GPR158: variants seen among roughly 807,000 people sequenced by gnomAD.
The protein encoded by GPR158 is G protein-coupled receptor 158.
Under a neutral mutation model 78.2 loss-of-function variants are expected in GPR158, and 30 were observed. The observed-to-expected ratio is 0.38, with a 90% CI of 0.29 to 0.52. GPR158 has a LOEUF of 0.52. GPR158 is among the 20% of genes least tolerant of loss of function. The pLI is 0.83. For missense variants in GPR158, 1,463 were observed against 1,523.5 expected (o/e 0.96, Z 0.66); for synonymous variants, 581 against 591.1 (o/e 0.98, Z 0.25).
chr10:25,316,804 C>T (rs1283512942), intron 2 of GPR158, among the ~76,000 whole-genome samples: 1 of 151,772 alleles, frequency 6.6e-6, no homozygotes, highest in East Asian at 1.9e-4. Flanking sequence ...TATGTCTCAG[C>T]ACACAGTTTG....
At chr10:25,361,066 C>A (rs759923202) in intron 2 of GPR158, among the ~76,000 whole-genome samples, 1 of 151,864 alleles carries the variant, frequency 6.6e-6, no homozygotes, top group Non-Finnish European at 1.5e-5. Flanking sequence ...ACTCTATACC[C>A]ATTCAACAAC....
intron 4 of GPR158, among the ~76,000 whole-genome samples, chr10:25,433,673 C>CCTTT (rs1205836068): frequency 2.8e-4 from 35 of 125,644 alleles, no homozygotes; most frequent in African/African-American, 4.5e-4. Flanking sequence ...AGGGCATTTT[C>CCTTT]CTTTCTTTCT....
At chr10:25,496,719 C>G (rs1835885632) in intron 5 of GPR158, among the ~76,000 whole-genome samples, 1 of 152,140 alleles carries the variant, frequency 6.6e-6, no homozygotes, top group East Asian at 1.9e-4. Context: ...AACTCGTATT[C>G]AGTAATCACT....
chr10:25,515,229 C>T (rs1471438242), intron 5 of GPR158, among the ~76,000 whole-genome samples: 2 of 151,940 alleles, frequency 1.3e-5, no homozygotes, highest in Non-Finnish European at 2.9e-5. Context: ...TTGATTAATA[C>T]AAAAGCCTTG....
Position 25,572,820 on chromosome 10 carries a change from G to T in GPR158, c.1686G>T (p.Gly562=). ...AACAGATTTCACTTATTGGCCAGGG[G>T]AAAACATCCGATCACCTCATCTTCA... ...LEKQISLIGQ[G]KTSDHLIFNM... is the part of the protein sequence containing the mutation. The change falls in exon 7 of 11, where the codon GGG becomes GGT. Residue 562 remains glycine, a synonymous_variant. Coordinates refer to ENST00000376351, the MANE Select transcript of GPR158 (RefSeq NM_020752.3). 1 of 1,613,946 alleles carries T rather than the reference G, an allele frequency of 6.2e-7. No homozygotes were observed.
chr10:25,242,258 G>A (rs1853637502), intron 2 of GPR158, among the ~76,000 whole-genome samples: 1 of 152,176 alleles, frequency 6.6e-6, no homozygotes, highest in South Asian at 2.1e-4. Context: ...AGTATCAGAA[G>A]CTAAATGGAA....
chr10:25,543,081 G>T (rs766222740), intron 5 of GPR158, among the ~76,000 whole-genome samples: 33 of 152,008 alleles, frequency 2.2e-4, no homozygotes, highest in Non-Finnish European at 7.4e-5. Flanking sequence ...AGGAAAGCCT[G>T]GAGGGCTGTT....
At chr10:25,596,567 GTATAGA>G (rs140976958) in intron 9 of GPR158, 70 bp from the exon 10 acceptor site, 81,072 of 970,862 alleles carry the variant, frequency 0.084, 4,103 homozygotes, top group South Asian at 0.12. Context: ...ATAGATATAG[GTATAGA>G]TATAGATATA....
chr10:25,456,265 A>T (rs979849746), intron 4 of GPR158, among the ~76,000 whole-genome samples: 6 of 152,190 alleles, frequency 3.9e-5, no homozygotes, highest in Admixed American at 6.5e-5. Context: ...GTCTTGTCAG[A>T]ATCAAAAATT....
chr10:25,367,749 T>C (rs1256186327), intron 2 of GPR158, among the ~76,000 whole-genome samples: 1 of 151,824 alleles, frequency 6.6e-6, no homozygotes, highest in Non-Finnish European at 1.5e-5. Context: ...ACCTTCCTGC[T>C]GGATTGGCAT....
intron 6 of GPR158, among the ~76,000 whole-genome samples, chr10:25,558,494 T>C (rs1464766761): frequency 2.0e-5 from 3 of 152,164 alleles, no homozygotes; most frequent in African/African-American, 7.2e-5. Flanking sequence ...GAGGCTCTGC[T>C]CCTGCAAGCT....
rs1837027244 is a variant in GPR158 at position 25,572,755 on chromosome 10, C to G, written c.1621C>G (p.Leu541Val). 4 of 1,613,674 alleles carry G rather than the reference C, an allele frequency of 2.5e-6. No individual in the cohort carries two copies. Among genetic ancestry groups the G allele is most frequent in the Non-Finnish European group, 2.5e-6 (3 of 1,179,620 alleles). The stretch of plus-strand genomic sequence containing the variant: ...AATACTCTTGGTAGTGTTTTGGTTT[C>G]TCATTGGCTGGACTTCATCTGTGTG... Reference protein sequence around the residue: ...AVILLVVFWFLIGWTSSVCQN... With the variant: ...AVILLVVFWFVIGWTSSVCQN... The change falls in exon 7 of 11, where the codon CTC (leucine) becomes GTC (valine). Residue 541 changes from leucine to valine, a missense_variant. By Grantham distance (32) the Leu-to-Val change is conservative. Transcript: ENST00000376351.
intron 3 of GPR158, among the ~76,000 whole-genome samples, chr10:25,404,029 T>C (rs766962909): frequency 2.6e-5 from 4 of 152,132 alleles, no homozygotes; most frequent in Non-Finnish European, 5.9e-5. Flanking sequence ...ATAGAGCTTC[T>C]TATTATGTAG....
chr10:25,411,486 G>T (rs7072189), intron 3 of GPR158, among the ~76,000 whole-genome samples: 126,353 of 152,112 alleles, frequency 0.83, 53,616 homozygotes, highest in African/African-American at 0.91. Context: ...TTGGATTCTG[G>T]GCTATCTAGG....
rs1426644540 is a variant in GPR158 at position 25,599,497 on chromosome 10, C to G, written c.*223C>G. 6 of 523,552 alleles carry G rather than the reference C, an allele frequency of 1.1e-5. No homozygotes were observed. The South Asian group carries it at 1.3e-4, about 11-fold the overall frequency. 32.4% of individuals were successfully genotyped at this position (523,552 alleles called of 1,614,324 possible). On this transcript the variant is annotated 3_prime_UTR_variant, in exon 11 of 11. Transcript: ENST00000376351. ...CAAGAAAGTCCTTCCCTTGGTAACA[C>G]TAGGAAAATCTTTCCATTTCAGCAT...
chr10:25,245,732 G>C (rs560336553), intron 2 of GPR158, among the ~76,000 whole-genome samples: 2 of 152,280 alleles, frequency 1.3e-5, no homozygotes, highest in East Asian at 3.9e-4. Flanking sequence ...CTTCTCTCCT[G>C]AGATTTTGGA....
chr10:25,395,905 T>A lies in GPR158; in HGVS notation c.1009-6T>A. On this transcript the variant is annotated splice_polypyrimidine_tract_variant and splice_region_variant and intron_variant, in intron 2 of 10. Transcript: ENST00000376351. ...CAACTATGTTGCTGTCTTTTCTTCT[T>A]CATAGTGTATGCCAATTAAAGGCCT... 6.8e-7 allele frequency: 1 copy of A among 1,461,324 alleles called. No homozygotes were observed. Among genetic ancestry groups the A allele is most frequent in the Non-Finnish European group, 9.6e-7 (1 of 1,041,122 alleles). 90.5% of individuals were successfully genotyped at this position (1,461,324 alleles called of 1,614,324 possible). A position where few individuals can be genotyped will look rare whatever the true frequency, so the allele number is the denominator to read the frequency against.
chr10:25,386,832 G>A (rs561531039), intron 2 of GPR158, among the ~76,000 whole-genome samples: 3 of 152,162 alleles, frequency 2.0e-5, no homozygotes, highest in Admixed American at 6.5e-5. Context: ...ATGTTTGCTG[G>A]ATACATTTAT....
rs533303227 is a variant in GPR158 at position 25,279,977 on chromosome 10, A to C, written c.1008+58820A>C. Among the ~76,000 whole-genome samples the C allele has an allele frequency of 3.3e-5, 5 of 152,210 alleles. No individual in the cohort carries two copies. The South Asian group carries it at 1.0e-3, about 32-fold the overall frequency. ...GGTAACCATTAAAATGAAAAAAAAA[A>C]AAAGAAAATATTATAACTACTTATG... On this transcript the variant is annotated intron_variant, in intron 2 of 10. Coordinates refer to ENST00000376351, the MANE Select transcript of GPR158 (RefSeq NM_020752.3).
Sources: gnomAD v4.1 joint callset for allele counts (sites outside exome capture counted in the v4.1 genomes callset) on GRCh38, gnomAD v4.1.1 for gene constraint, MANE v1.5 for transcripts, NCBI Gene and HGNC (gene_info 2026-07-23, HGNC 2026-07-21) for gene names.